ASTN1: variants seen among roughly 807,000 people sequenced by gnomAD.
ASTN1 encodes the protein astrotactin 1.
Under a neutral mutation model 140.7 loss-of-function variants are expected in ASTN1, and 41 were observed. The observed-to-expected ratio is 0.29, with a 90% CI of 0.23 to 0.38. The LOEUF (loss-of-function observed/expected upper bound fraction) is 0.38. ASTN1 is among the 10% of genes least tolerant of loss of function. The probability of loss-of-function intolerance (pLI) is 1.00; values close to 1 mark genes in which losing one functional copy is unlikely to be tolerated. For missense variants in ASTN1, 1,479 were observed against 1,678.8 expected (o/e 0.88, Z 2.08); for synonymous variants, 640 against 652.2 (o/e 0.98, Z 0.29).
chr1:176,970,547 A>AC (rs1256383297), intron 8 of ASTN1, among the ~76,000 whole-genome samples: 2 of 152,046 alleles, frequency 1.3e-5, no homozygotes, highest in Admixed American at 1.3e-4. Context: ...AAGGGAGAAG[A>AC]AATAGAGATA....
intron 8 of ASTN1, among the ~76,000 whole-genome samples, chr1:177,000,247 TTTC>T (rs1316916900): frequency 6.6e-6 from 1 of 152,184 alleles, no homozygotes. Flanking sequence ...CGTCATGACT[TTTC>T]TTAAAGATCC....
chr1:177,053,306 A>T (rs1677630740), intron 2 of ASTN1, among the ~76,000 whole-genome samples: 1 of 152,192 alleles, frequency 6.6e-6, no homozygotes, highest in Admixed American at 6.5e-5. Context: ...CCTTTTGAAA[A>T]TTTGGCCTCT....
At chr1:176,870,738 A>C (rs1668307981) in intron 21 of ASTN1, among the ~76,000 whole-genome samples, 1 of 152,242 alleles carries the variant, frequency 6.6e-6, no homozygotes, top group South Asian at 2.1e-4. Context: ...AAGTCCACTT[A>C]GATTTTCAGG....
intron 2 of ASTN1, among the ~76,000 whole-genome samples, chr1:177,054,861 A>G (rs1677720151): frequency 6.6e-6 from 1 of 152,228 alleles, no homozygotes; most frequent in African/African-American, 2.4e-5. Flanking sequence ...GAGGAGCAAT[A>G]GAAACAGGTG....
chr1:177,006,767 A>G (rs1030112521), intron 8 of ASTN1, among the ~76,000 whole-genome samples: 2 of 152,156 alleles, frequency 1.3e-5, no homozygotes, highest in Admixed American at 1.3e-4. Flanking sequence ...GTCAGAGACA[A>G]CAGCTGACAG....
rs1255940242 is a variant in ASTN1 at position 176,894,555 on chromosome 1, C to G, written c.2940+7G>C. 6.2e-7 allele frequency: 1 copy of G among 1,613,320 alleles called. No homozygotes were observed. The highest frequency in any genetic ancestry group is 2.2e-5 in the East Asian group (1 of 44,880). ...CCTCCCAGAGCCAAGAGTCCCAGGC[C>G]TCTTACCCTCTGGGTCTGGTTGTTG... is the stretch of plus-strand genomic sequence containing the variant. On this transcript the variant is annotated splice_region_variant and intron_variant, in intron 17 of 22. Transcript: ENST00000361833.
intron 4 of ASTN1, among the ~76,000 whole-genome samples, chr1:177,030,045 A>G (rs1676346863): frequency 6.6e-6 from 1 of 152,216 alleles, no homozygotes; most frequent in African/African-American, 2.4e-5. Context: ...AAGAAAGGGA[A>G]ATTTCCCTCA....
chr1:177,064,172 A>C (rs1427732043), intron 1 of ASTN1, among the ~76,000 whole-genome samples: 1 of 152,130 alleles, frequency 6.6e-6, no homozygotes, highest in Non-Finnish European at 1.5e-5. Context: ...CACGCACCAG[A>C]CAACATCATC....
intron 11 of ASTN1, among the ~76,000 whole-genome samples, chr1:176,953,812 C>G (rs550166673): frequency 6.6e-6 from 1 of 152,284 alleles, no homozygotes; most frequent in East Asian, 1.9e-4. Flanking sequence ...AGTGGGCACC[C>G]GATTTCTCCC....
chr1:176,900,622 A>C (rs1275368714), intron 16 of ASTN1, among the ~76,000 whole-genome samples: 1 of 152,194 alleles, frequency 6.6e-6, no homozygotes, highest in Non-Finnish European at 1.5e-5. Context: ...TGACCTTACC[A>C]GTTGCTAACT....
chr1:177,035,722 T>C (rs1369301020), intron 2 of ASTN1, among the ~76,000 whole-genome samples: 8 of 152,146 alleles, frequency 5.3e-5, no homozygotes, highest in Admixed American at 5.2e-4. Context: ...CCTTTTCTGA[T>C]GAAAAAACCA....
At chr1:177,077,317 T>C (rs1317400017) in intron 1 of ASTN1, among the ~76,000 whole-genome samples, 2 of 152,126 alleles carry the variant, frequency 1.3e-5, no homozygotes, top group Non-Finnish European at 2.9e-5. Context: ...GATGCCTAAT[T>C]TGACTCTGGT....
intron 1 of ASTN1, among the ~76,000 whole-genome samples, chr1:177,140,063 C>T (rs1048445442): frequency 6.6e-6 from 1 of 152,090 alleles, no homozygotes. Context: ...CCAGTTGGCC[C>T]CAATCTGAGA....
chr1:177,126,862 CAAG>C (rs892329705), intron 1 of ASTN1, among the ~76,000 whole-genome samples: 4 of 152,142 alleles, frequency 2.6e-5, no homozygotes, highest in Non-Finnish European at 5.9e-5. Context: ...AGGTAATGAT[CAAG>C]AATACTCCAA....
chr1:177,131,766 A>C (rs1479449015), intron 1 of ASTN1, among the ~76,000 whole-genome samples: 1 of 152,172 alleles, frequency 6.6e-6, no homozygotes, highest in Non-Finnish European at 1.5e-5. Flanking sequence ...GGTGGATGGA[A>C]AGTTCAGGAC....
At chr1:176,899,087 T>C (rs1040836466) in intron 16 of ASTN1, among the ~76,000 whole-genome samples, 1 of 152,170 alleles carries the variant, frequency 6.6e-6, no homozygotes, top group East Asian at 1.9e-4. Flanking sequence ...TAGAAGAACA[T>C]CCAACCTGGA....
chr1:176,942,018 C>A (rs1428558539), intron 14 of ASTN1, among the ~76,000 whole-genome samples: 1 of 152,114 alleles, frequency 6.6e-6, no homozygotes, highest in African/African-American at 2.4e-5. Context: ...TTTCATAGGG[C>A]AACTGATTTT....
chr1:176,934,016 C>T, intron 16 of ASTN1, 136 bp downstream of exon 16: 1 of 921,416 alleles, frequency 1.1e-6, no homozygotes, highest in Non-Finnish European at 1.5e-6. Context: ...GGAAATGTTA[C>T]AGATGGGCAC....
chr1:177,007,391 CA>C (rs112390178), intron 8 of ASTN1, among the ~76,000 whole-genome samples: 16 of 149,496 alleles, frequency 1.1e-4, no homozygotes, highest in African/African-American at 2.2e-4. Context: ...AATGCCGTCT[CA>C]AAAAAAAAAT....
Sources: allele counts gnomAD v4.1 joint callset (sites outside exome capture counted in the v4.1 genomes callset), GRCh38; gene constraint gnomAD v4.1.1; transcripts MANE v1.5; gene names NCBI Gene and HGNC (gene_info 2026-07-23, HGNC 2026-07-21).